Variants in CTNNA2 observed in about 807,000 individuals in gnomAD.
CTNNA2 encodes catenin alpha-2.
In CTNNA2, 42 loss-of-function variants were observed where a neutral mutation model predicts 101.0. That is an observed-to-expected ratio of 0.42 (90% confidence interval 0.32 to 0.54). The LOEUF (loss-of-function observed/expected upper bound fraction) is 0.54, where lower values mean the gene tolerates loss of function less well. Among genes scored for constraint, CTNNA2 ranks in the 20% least tolerant of loss-of-function variants. The probability of loss-of-function intolerance (pLI) is 0.14; values close to 1 mark genes in which losing one functional copy is unlikely to be tolerated. For missense variants in CTNNA2, 871 were observed against 1,223.1 expected (o/e 0.71, Z 4.29); for synonymous variants, 450 against 456.4 (o/e 0.99, Z 0.18).
intron 17 of CTNNA2, among the ~76,000 whole-genome samples, chr2:80,614,348 T>C (rs1301687100): frequency 6.6e-6 from 1 of 151,536 alleles, no homozygotes; most frequent in East Asian, 1.9e-4. Context: ...GTAGTACTTA[T>C]ATAATATTTA....
intron 9 of CTNNA2, among the ~76,000 whole-genome samples, chr2:80,471,214 A>T: frequency 6.6e-6 from 1 of 152,294 alleles, no homozygotes; most frequent in South Asian, 2.1e-4. Context: ...AAGACTGAGT[A>T]GGGGGCCCTT....
chr2:79,728,474 A>G (rs1686997918), intron 2 of CTNNA2, among the ~76,000 whole-genome samples: 1 of 152,156 alleles, frequency 6.6e-6, no homozygotes, highest in Admixed American at 6.5e-5. Flanking sequence ...TCTGGATAAT[A>G]GCCCTTTGTC....
At chr2:79,462,263 A>G (rs1670888387) in intron 4 of CTNNA2, among the ~76,000 whole-genome samples, 1 of 152,218 alleles carries the variant, frequency 6.6e-6, no homozygotes, top group Admixed American at 6.5e-5. Flanking sequence ...GTAAGGGCTC[A>G]AAAAGCATAC....
At chr2:79,464,463 T>C (rs1013424772) in intron 4 of CTNNA2, among the ~76,000 whole-genome samples, 3 of 152,228 alleles carry the variant, frequency 2.0e-5, no homozygotes, top group African/African-American at 7.2e-5. Context: ...TGTATCTTTA[T>C]AGCAGCATGA....
intron 7 of CTNNA2, among the ~76,000 whole-genome samples, chr2:80,185,601 C>A (rs1706071473): frequency 6.6e-6 from 1 of 152,150 alleles, no homozygotes. Context: ...CTTGAGCATG[C>A]TAACTGCATT....
chr2:79,673,600 A>AT (rs1245764863), intron 2 of CTNNA2, among the ~76,000 whole-genome samples: 4 of 152,128 alleles, frequency 2.6e-5, no homozygotes, highest in African/African-American at 9.7e-5. Context: ...CTCTTTCAGC[A>AT]TTTTTTGGCA....
chr2:80,088,445 T>G (rs1328536410), intron 7 of CTNNA2, among the ~76,000 whole-genome samples: 1 of 152,028 alleles, frequency 6.6e-6, no homozygotes, highest in African/African-American at 2.4e-5. Context: ...TCTTGTCCCT[T>G]ATTGGTTATT....
chr2:79,340,150 A>T (rs777808425), intron 3 of CTNNA2: 16 of 152,234 alleles, frequency 1.1e-4, no homozygotes, highest in Non-Finnish European at 2.4e-4. Context: ...TACCTGAAAG[A>T]TATAATAAAC....
At chr2:80,592,740 G>T (rs927061254) in intron 15 of CTNNA2, among the ~76,000 whole-genome samples, 3 of 151,994 alleles carry the variant, frequency 2.0e-5, no homozygotes, top group Non-Finnish European at 4.4e-5. Flanking sequence ...GTCACATTTG[G>T]TATTAACATG....
chr2:80,367,310 T>G (rs1339805744), intron 7 of CTNNA2, among the ~76,000 whole-genome samples: 3 of 152,106 alleles, frequency 2.0e-5, no homozygotes, highest in Non-Finnish European at 4.4e-5. Context: ...TCACCCAGGT[T>G]TGAGACCTCC....
At chr2:80,198,475 T>A (rs1046171275) in intron 7 of CTNNA2, among the ~76,000 whole-genome samples, 1 of 152,200 alleles carries the variant, frequency 6.6e-6, no homozygotes, top group Non-Finnish European at 1.5e-5. Context: ...AGGGATTGTG[T>A]CTTTGTTGGA....
At chr2:79,195,467 C>G (rs534825741) in intron 1 of CTNNA2, among the ~76,000 whole-genome samples, 30 of 152,256 alleles carry the variant, frequency 2.0e-4, no homozygotes, top group African/African-American at 7.0e-4. Context: ...GCTGATTAGG[C>G]TTTAACAGCA....
At chr2:80,489,101 T>A (rs1686825430) in intron 9 of CTNNA2, among the ~76,000 whole-genome samples, 1 of 152,148 alleles carries the variant, frequency 6.6e-6, no homozygotes, top group Non-Finnish European at 1.5e-5. Context: ...ATGTACCTGG[T>A]GATTTTATGC....
At chr2:79,572,800 T>C (rs1408517758) in intron 1 of CTNNA2, among the ~76,000 whole-genome samples, 1 of 152,206 alleles carries the variant, frequency 6.6e-6, no homozygotes, top group East Asian at 1.9e-4. Context: ...ACATTCCTTT[T>C]ATTGTAAAAG....
At chr2:79,647,560 C>T (rs191391623) in intron 1 of CTNNA2, among the ~76,000 whole-genome samples, 5 of 152,128 alleles carry the variant, frequency 3.3e-5, no homozygotes, top group African/African-American at 9.6e-5. Flanking sequence ...GTCTTTCCCT[C>T]CAGAGTGTGA....
At position 80,303,510 on chromosome 2, in the gene CTNNA2, C is replaced by G. The variant is rs748970613; in HGVS notation, c.1057-89701C>G. The G allele has an allele frequency of 9.3e-6, 15 of 1,614,102 alleles. No individual in the cohort carries two copies. The highest frequency in any genetic ancestry group is 1.6e-4 in the Middle Eastern group (1 of 6,084). On this transcript the variant is annotated intron_variant, in intron 7 of 18. Coordinates refer to ENST00000402739, the MANE Select transcript of CTNNA2 (RefSeq NM_001282597.3). The surrounding 1 kb of genome is among the most constrained non-coding windows in gnomAD (Gnocchi z 7.7). The stretch of plus-strand genomic sequence containing the variant: ...AGTTTCTGAAAGGCGTCCCCCTGCA[C>G]GGAGCAGATGTGATTGTGATCCAGA...
intron 11 of CTNNA2, among the ~76,000 whole-genome samples, chr2:80,549,476 A>G (rs1692374789): frequency 6.6e-6 from 1 of 152,202 alleles, no homozygotes; most frequent in African/African-American, 2.4e-5. Flanking sequence ...TAACAAAATT[A>G]TATCATTTCT....
chr2:79,897,761 TC>T (rs1420381340), intron 6 of CTNNA2, among the ~76,000 whole-genome samples: 2 of 152,202 alleles, frequency 1.3e-5, no homozygotes, highest in African/African-American at 4.8e-5. Flanking sequence ...TTTTGTTTCC[TC>T]ACAGTTATAG....
intron 7 of CTNNA2, among the ~76,000 whole-genome samples, chr2:80,030,140 T>C (rs527949564): frequency 6.6e-6 from 1 of 152,230 alleles, no homozygotes; most frequent in Admixed American, 6.5e-5. Context: ...TAGAATTAAT[T>C]TAAATGTAAT....
Sources: allele counts gnomAD v4.1 joint callset (sites outside exome capture counted in the v4.1 genomes callset), GRCh38; gene constraint gnomAD v4.1.1; non-coding constraint Gnocchi (gnomAD v3.1); transcripts MANE v1.5; gene names NCBI Gene and HGNC (gene_info 2026-07-23, HGNC 2026-07-21).